The following SESTD1 variants were observed in gnomAD, a reference collection of about 807,000 sequenced individuals.
SESTD1 encodes SEC14 domain and spectrin repeat-containing protein 1.
SESTD1 carries 43 observed loss-of-function variants against 101.7 expected under a neutral mutation model. That is an observed-to-expected ratio of 0.42 (90% CI 0.33 to 0.55). The LOEUF (loss-of-function observed/expected upper bound fraction) is 0.55. Ranked by LOEUF, SESTD1 falls within the 20% of genes least tolerant of loss-of-function variation. The probability of loss-of-function intolerance (pLI) is 0.07; values close to 1 mark genes in which losing one functional copy is unlikely to be tolerated. For missense variants in SESTD1, 647 were observed against 815.1 expected (o/e 0.79, Z 2.51); for synonymous variants, 283 against 286.8 (o/e 0.99, Z 0.13).
At chr2:179,230,111 C>CTTTTTTTTTTTTTTT (rs1559153333) in intron 1 of SESTD1, among the ~76,000 whole-genome samples, 4 of 80,356 alleles carry the variant, frequency 5.0e-5, no homozygotes, top group Admixed American at 3.9e-4. Context: ...TGGATTGTAT[C>CTTTTTTTTTTTTTTT]TCTTTTTTTT....
intron 16 of SESTD1, among the ~76,000 whole-genome samples, chr2:179,114,604 T>TA (rs993913438): frequency 8.5e-5 from 13 of 152,094 alleles, no homozygotes; most frequent in Admixed American, 3.3e-4. Flanking sequence ...AGAACACATA[T>TA]AAAAAAGCAT....
intron 9 of SESTD1, among the ~76,000 whole-genome samples, chr2:179,135,542 T>A (rs983381660): frequency 2.0e-5 from 3 of 152,086 alleles, no homozygotes; most frequent in Admixed American, 6.5e-5. Context: ...TGGCTTGAGC[T>A]CAGGAGTTCA....
chr2:179,116,894 TTAATTATAACC>T, intron 14 of SESTD1, 104 bp from the exon 15 acceptor site: 1 of 1,426,788 alleles, frequency 7.0e-7, no homozygotes, highest in Non-Finnish European at 9.4e-7. Flanking sequence ...AATAAATCCG[TTAATTATAACC>T]TAAAGTCTTA....
rs1332380943 is a variant in SESTD1, at chr2:179,107,129, C to T, written c.*2770G>A. The T allele has an allele frequency of 2.0e-5, 3 of 152,048 alleles. No individual in the cohort carries two copies. Among genetic ancestry groups the T allele is most frequent in the Non-Finnish European group, 4.4e-5 (3 of 68,004 alleles). The allele number at this position is 152,048 out of a possible 1,614,324, so 9.4% of individuals were successfully genotyped here. On this transcript the variant is annotated 3_prime_UTR_variant, in exon 18 of 18. Coordinates refer to ENST00000428443, the MANE Select transcript of SESTD1 (RefSeq NM_178123.5). ...CTGATGTTAATTTATGACATAGAAA[C>T]AGCTTGTGGTTTCAAACACACTGCA... is the stretch of plus-strand genomic sequence containing the variant.
rs146910064 is a variant in SESTD1 at position 179,143,405 on chromosome 2, T to C, written c.849+187A>G. 3.3e-5 allele frequency among the ~76,000 whole-genome samples: 5 copies of C among 152,322 alleles called. No homozygotes were observed. In the East Asian group the frequency reaches 5.8e-4, roughly 18 times the overall value. On this transcript the variant is annotated intron_variant, in intron 9 of 17. Coordinates refer to ENST00000428443, the MANE Select transcript of SESTD1 (RefSeq NM_178123.5). Reference sequence around the variant, plus strand: ...TAAGCTGAATGCTCAATGTCATCACTGTGAAAATAACATAACTTTTAATTC... The same window carrying C: ...TAAGCTGAATGCTCAATGTCATCACCGTGAAAATAACATAACTTTTAATTC...
intron 1 of SESTD1, among the ~76,000 whole-genome samples, chr2:179,253,741 G>A (rs922319683): frequency 2.0e-5 from 3 of 152,168 alleles, no homozygotes; most frequent in Admixed American, 6.5e-5. Flanking sequence ...ACTTTGTGGA[G>A]GAGAGAACTC....
intron 3 of SESTD1, 152 bp downstream of exon 3, chr2:179,182,928 T>C (rs987597539): frequency 3.2e-5 from 16 of 493,740 alleles, no homozygotes; most frequent in African/African-American, 2.8e-4. Context: ...TCTGCAATGA[T>C]GTTATAAGTC....
chr2:179,120,354 A>G (rs1018815919), intron 13 of SESTD1, among the ~76,000 whole-genome samples: 3 of 152,204 alleles, frequency 2.0e-5, no homozygotes, highest in African/African-American at 7.2e-5. Flanking sequence ...CTAAGTAGGC[A>G]ATTGGAATTA....
chr2:179,114,706 T>C (rs1284206707), intron 16 of SESTD1, among the ~76,000 whole-genome samples: 1 of 152,166 alleles, frequency 6.6e-6, no homozygotes, highest in South Asian at 2.1e-4. Flanking sequence ...TTAATAGCAG[T>C]TGCCAAAGCA....
rs578015354 is a variant in SESTD1 at position 179,106,607 on chromosome 2, A to C, written c.*3292T>G. On this transcript the variant is annotated 3_prime_UTR_variant, in exon 18 of 18. Coordinates refer to ENST00000428443, the MANE Select transcript of SESTD1 (RefSeq NM_178123.5). ...CCGTATGTCAGCTAATAAGATAACGAAATAACAAACATGTTAAGACTAGCT... is the reference window on the plus strand; with the variant it reads ...CCGTATGTCAGCTAATAAGATAACGCAATAACAAACATGTTAAGACTAGCT... 1 of 152,310 alleles carries C rather than the reference A, an allele frequency of 6.6e-6. No homozygotes were observed. The highest frequency in any genetic ancestry group is 1.5e-5 in the Non-Finnish European group (1 of 68,016). 9.4% of individuals were successfully genotyped at this position (152,310 alleles called of 1,614,324 possible). A position where few individuals can be genotyped will look rare whatever the true frequency, so the allele number is the denominator to read the frequency against.
chr2:179,156,140 A>G lies in SESTD1; in HGVS notation c.370-4749T>C, dbSNP rs535266466. ...TATATATGTGTGTATATACGTATAT[A>G]TGTATATATATGTGTATATATGTAT... is the stretch of plus-strand genomic sequence containing the variant. On this transcript the variant is annotated intron_variant, in intron 5 of 17. Transcript: ENST00000428443. 8.7e-4 allele frequency among the ~76,000 whole-genome samples: 132 copies of G among 152,004 alleles called. 1 individual carries two copies. The highest frequency in any genetic ancestry group is 3.0e-3 in the African/African-American group (126 of 41,450).
chr2:179,172,364 G>A, intron 4 of SESTD1, 131 bp from the exon 5 acceptor site: 1 of 517,660 alleles, frequency 1.9e-6, no homozygotes, highest in South Asian at 5.0e-5. Flanking sequence ...TAATAAAGAA[G>A]AAATTCTCTA....
intron 1 of SESTD1, among the ~76,000 whole-genome samples, chr2:179,193,855 T>G (rs1317052360): frequency 6.6e-6 from 1 of 152,214 alleles, no homozygotes; most frequent in Non-Finnish European, 1.5e-5. Flanking sequence ...CCTTATAAAC[T>G]TTCAGATCAG....
intron 1 of SESTD1, among the ~76,000 whole-genome samples, chr2:179,217,814 G>A (rs2046747041): frequency 6.6e-6 from 1 of 152,198 alleles, no homozygotes; most frequent in Non-Finnish European, 1.5e-5. Context: ...AAAAGGATGA[G>A]TTCATGTCCT....
At chr2:179,200,280 A>G (rs1033299746) in intron 1 of SESTD1, among the ~76,000 whole-genome samples, 1 of 152,198 alleles carries the variant, frequency 6.6e-6, no homozygotes, top group Non-Finnish European at 1.5e-5. Flanking sequence ...GAGGATACAA[A>G]CAAATGGTAG....
chr2:179,191,803 T>C lies in SESTD1; in HGVS notation c.39A>G (p.Lys13=), dbSNP rs1269416645. ...AAATCATACCTGAAAGGAAGGCTAGTTTTTTCTTCAGAATGGGTAATATTA... is the reference window on the plus strand; with the variant it reads ...AAATCATACCTGAAAGGAAGGCTAGCTTTTTCTTCAGAATGGGTAATATTA... The part of the protein sequence containing the change: ...ASVILPILKK[K]LAFLSGGKDR... Residue 13 remains lysine (K), a synonymous_variant, in exon 2 of 18, where the codon AAA becomes AAG. Transcript: ENST00000428443. 3 of 1,612,728 alleles carry C rather than the reference T, an allele frequency of 1.9e-6. No individual in the cohort carries two copies. Among genetic ancestry groups the C allele is most frequent in the Admixed American group, 1.7e-5 (1 of 59,800 alleles).
At chr2:179,136,181 T>TC (rs1434688993) in intron 9 of SESTD1, among the ~76,000 whole-genome samples, 3 of 152,224 alleles carry the variant, frequency 2.0e-5, no homozygotes, top group African/African-American at 7.2e-5. Context: ...GACTTTGGTT[T>TC]CTCATCTTTT....
chr2:179,115,711 ACAT>A (rs1470203201), intron 15 of SESTD1, among the ~76,000 whole-genome samples: 1 of 152,100 alleles, frequency 6.6e-6, no homozygotes. Flanking sequence ...TTGTGCTGAA[ACAT>A]CATATCCTAA....
chr2:179,185,487 T>C (rs1237857421), intron 2 of SESTD1, among the ~76,000 whole-genome samples: 2 of 141,398 alleles, frequency 1.4e-5, no homozygotes, highest in East Asian at 4.1e-4. Flanking sequence ...TTATCATATA[T>C]ACAATATATA....
Sources: allele counts gnomAD v4.1 joint callset (sites outside exome capture counted in the v4.1 genomes callset), GRCh38; gene constraint gnomAD v4.1.1; transcripts MANE v1.5; gene names NCBI Gene and HGNC (gene_info 2026-07-23, HGNC 2026-07-21).